Variants in DOK6 observed in about 807,000 individuals in gnomAD.
DOK6 encodes docking protein 6.
A neutral mutation model predicts 44.0 loss-of-function variants in DOK6; 22 were observed. The observed-to-expected ratio is 0.50, with a 90% confidence interval of 0.36 to 0.71. The LOEUF (loss-of-function observed/expected upper bound fraction) is 0.71. Ranked by LOEUF, DOK6 falls within the 30% of genes least tolerant of loss-of-function variation. DOK6 has a pLI of 0.00. For synonymous variants in DOK6, 166 were observed against 145.5 expected, an observed-to-expected ratio of 1.14 and a Z score of -1.01; for missense variants, 340 against 416.4, an observed-to-expected ratio of 0.82 and a Z score of 1.60.
chr18:69,758,478 G>T (rs1307869266), intron 7 of DOK6, among the ~76,000 whole-genome samples: 2 of 70,930 alleles, frequency 2.8e-5, no homozygotes, highest in African/African-American at 6.3e-5. Flanking sequence ...ATAGCTAGCA[G>T]ATTTTTTTTT....
chr18:69,412,652 A>C (rs752558306), intron 1 of DOK6, among the ~76,000 whole-genome samples: 2 of 152,122 alleles, frequency 1.3e-5, no homozygotes, highest in African/African-American at 2.4e-5. Context: ...ATGCCTCCAT[A>C]AGTAAAAAAA....
intron 1 of DOK6, among the ~76,000 whole-genome samples, chr18:69,446,163 T>G (rs572014581): frequency 6.6e-6 from 1 of 151,734 alleles, no homozygotes; most frequent in African/African-American, 2.4e-5. Flanking sequence ...CTCATTAACT[T>G]GTCATTTACA....
chr18:69,420,377 G>C (rs1158886061), intron 1 of DOK6, among the ~76,000 whole-genome samples: 1 of 151,914 alleles, frequency 6.6e-6, no homozygotes, highest in Non-Finnish European at 1.5e-5. Flanking sequence ...GTTCTATTAG[G>C]AATCATCCCA....
intron 1 of DOK6, among the ~76,000 whole-genome samples, chr18:69,494,487 AAAC>A (rs1487665228): frequency 4.6e-5 from 7 of 151,766 alleles, no homozygotes; most frequent in Admixed American, 1.3e-4. Context: ...AAAAACAAAC[AAAC>A]AAAAAAAAAG....
At chr18:69,753,909 C>G (rs1023010073) in intron 6 of DOK6, among the ~76,000 whole-genome samples, 1 of 151,964 alleles carries the variant, frequency 6.6e-6, no homozygotes, top group Non-Finnish European at 1.5e-5. Context: ...CACATGTATC[C>G]ATCTTGTTTA....
At chr18:69,687,165 T>C (rs1178572462) in intron 4 of DOK6, among the ~76,000 whole-genome samples, 1 of 152,170 alleles carries the variant, frequency 6.6e-6, no homozygotes, top group Non-Finnish European at 1.5e-5. Flanking sequence ...CTAAAATTAC[T>C]TTTAAAATAT....
rs1026548624 is a variant in DOK6, at chr18:69,690,254, C to T, written c.410-8150C>T. Among the ~76,000 whole-genome samples the T allele has an allele frequency of 7.2e-5, 11 of 151,872 alleles. No individual in the cohort carries two copies. In the East Asian group the frequency reaches 7.7e-4, roughly 11 times the overall value. On this transcript the variant is annotated intron_variant, in intron 4 of 7. Coordinates refer to ENST00000382713, the MANE Select transcript of DOK6 (RefSeq NM_152721.6). ...AAGCATTCCAATTCACAGTGATCTT[C>T]GACACTGAGCAGATGGCACCTAGCA...
At chr18:69,832,898 G>A (rs1599350615) in intron 7 of DOK6, among the ~76,000 whole-genome samples, 1 of 152,016 alleles carries the variant, frequency 6.6e-6, no homozygotes, top group Non-Finnish European at 1.5e-5. Flanking sequence ...ATAAAATACT[G>A]ATGAAAGAAA....
chr18:69,615,794 G>T (rs1339030801), intron 3 of DOK6, among the ~76,000 whole-genome samples: 1 of 152,172 alleles, frequency 6.6e-6, no homozygotes, highest in Non-Finnish European at 1.5e-5. Flanking sequence ...AAACTAAACT[G>T]CCCTGTAGTG....
At chr18:69,738,203 T>C (rs1239090526) in intron 5 of DOK6, among the ~76,000 whole-genome samples, 1 of 152,202 alleles carries the variant, frequency 6.6e-6, no homozygotes, top group Non-Finnish European at 1.5e-5. Context: ...TTTTTGGTGC[T>C]TAAAGAAATA....
rs559243712 is a variant in DOK6 at position 69,420,519 on chromosome 18, T to A, written c.66+19209T>A. Among the ~76,000 whole-genome samples the A allele has an allele frequency of 4.6e-5, 7 of 152,264 alleles. No individual in the cohort carries two copies. The East Asian group carries it at 1.3e-3, about 29-fold the overall frequency. Reference sequence around the variant, plus strand: ...TTATTTTTTTAATTATACTTTAAGTTCTAGGGTACATGTGCACAACGTGCA... The same window carrying A: ...TTATTTTTTTAATTATACTTTAAGTACTAGGGTACATGTGCACAACGTGCA... On this transcript the variant is annotated intron_variant, in intron 1 of 7. Coordinates refer to ENST00000382713, the MANE Select transcript of DOK6 (RefSeq NM_152721.6).
At chr18:69,514,942 G>C (rs993529704) in intron 1 of DOK6, among the ~76,000 whole-genome samples, 9 of 151,826 alleles carry the variant, frequency 5.9e-5, no homozygotes, top group African/African-American at 2.2e-4. Context: ...ACTGATTAGA[G>C]GCTCTGTTCA....
chr18:69,501,209 G>A (rs1411593855), intron 1 of DOK6, among the ~76,000 whole-genome samples: 1 of 151,950 alleles, frequency 6.6e-6, no homozygotes, highest in Admixed American at 6.6e-5. Context: ...GTAGAGTTTT[G>A]GATGTTCAAA....
chr18:69,811,557 T>C lies in DOK6; in HGVS notation c.857-29687T>C, dbSNP rs1051504731. Among the ~76,000 whole-genome samples the C allele has an allele frequency of 2.6e-3, 40 of 15,606 alleles. 2 individuals are homozygous for C. Among genetic ancestry groups the C allele is most frequent in the South Asian group, 0.013 (4 of 314 alleles). The allele number at this position is 15,606 out of a possible 152,430, so 10.2% of individuals were successfully genotyped here. A position where few individuals can be genotyped will look rare whatever the true frequency, so the allele number is the denominator to read the frequency against. ...ATATATATATATATATATATATATA[T>C]ATATATATATATATATATATCAAAA... On this transcript the variant is annotated intron_variant, in intron 7 of 7. Transcript: ENST00000382713.
At chr18:69,777,545 T>A (rs1275593784) in intron 7 of DOK6, among the ~76,000 whole-genome samples, 1 of 152,032 alleles carries the variant, frequency 6.6e-6, no homozygotes, top group Non-Finnish European at 1.5e-5. Flanking sequence ...ATCCTTAGTT[T>A]TTTTCTTACC....
chr18:69,654,277 G>A (rs1343744955), intron 3 of DOK6, among the ~76,000 whole-genome samples: 1 of 152,158 alleles, frequency 6.6e-6, no homozygotes, highest in Non-Finnish European at 1.5e-5. Context: ...TTGTGTCAAG[G>A]AAATATTTGA....
chr18:69,686,226 A>T (rs1204701324), intron 4 of DOK6, among the ~76,000 whole-genome samples: 1 of 152,174 alleles, frequency 6.6e-6, no homozygotes, highest in Non-Finnish European at 1.5e-5. Context: ...AGCCTCCAGA[A>T]CAGGGAGAAA....
At chr18:69,771,508 A>T (rs1568121597) in intron 7 of DOK6, among the ~76,000 whole-genome samples, 1 of 152,052 alleles carries the variant, frequency 6.6e-6, no homozygotes, top group Admixed American at 6.6e-5. Flanking sequence ...TACATTATAC[A>T]TATTATATGT....
At chr18:69,801,646 T>TG (rs1257522325) in intron 7 of DOK6, among the ~76,000 whole-genome samples, 2 of 152,196 alleles carry the variant, frequency 1.3e-5, no homozygotes, top group African/African-American at 2.4e-5. Flanking sequence ...CCCTTTACAC[T>TG]GGGGGCTGTA....
Sources: allele counts gnomAD v4.1 joint callset (sites outside exome capture counted in the v4.1 genomes callset), GRCh38; gene constraint gnomAD v4.1.1; transcripts MANE v1.5; gene names NCBI Gene and HGNC (gene_info 2026-07-23, HGNC 2026-07-21).